The following ZCCHC7 variants were observed in gnomAD, a reference collection of about 807,000 sequenced individuals.
ZCCHC7 encodes zinc finger CCHC-type containing 7.
In ZCCHC7, 35 loss-of-function variants were observed where a neutral mutation model predicts 52.0. The ratio of observed to expected loss-of-function variants is 0.67; its 90% CI spans 0.51 to 0.89. The LOEUF is 0.89. Among genes scored for constraint, ZCCHC7 ranks in the 40% least tolerant of loss-of-function variants. The pLI is 0.00. For missense variants in ZCCHC7, 574 were observed against 649.1 expected (o/e 0.88, Z 1.26); for synonymous variants, 217 against 221.5 (o/e 0.98, Z 0.18).
At chr9:37,147,237 G>A (rs1000037542) in intron 2 of ZCCHC7, 6 of 152,078 alleles carry the variant, frequency 3.9e-5, no homozygotes, top group Non-Finnish European at 7.4e-5. Flanking sequence ...TTGAAGGGAA[G>A]TTTAGGAATA....
chr9:37,175,117 GAA>G (rs574722132), intron 2 of ZCCHC7, among the ~76,000 whole-genome samples: 1 of 134,794 alleles, frequency 7.4e-6, no homozygotes, highest in Admixed American at 7.4e-5. Flanking sequence ...CTGTCTCAAA[GAA>G]AAAAAAAAAA....
intron 2 of ZCCHC7, among the ~76,000 whole-genome samples, chr9:37,268,291 C>G (rs1228061399): frequency 6.6e-6 from 1 of 151,936 alleles, no homozygotes; most frequent in Non-Finnish European, 1.5e-5. Flanking sequence ...CCAGATTTCT[C>G]TACCTGGCCA....
intron 5 of ZCCHC7, among the ~76,000 whole-genome samples, chr9:37,315,625 A>T (rs1037467896): frequency 2.0e-5 from 3 of 151,862 alleles, no homozygotes; most frequent in Non-Finnish European, 2.9e-5. Flanking sequence ...GTAGTTTCAG[A>T]TATAAAGGAA....
At chr9:37,249,456 C>CTTTTTTTTCTTTTT (rs1826217862) in intron 2 of ZCCHC7, among the ~76,000 whole-genome samples, 1 of 111,266 alleles carries the variant, frequency 9.0e-6, no homozygotes, top group Non-Finnish European at 1.7e-5. Flanking sequence ...CTTCTTCTTC[C>CTTTTTTTTCTTTTT]TTTTTTTTTT....
intron 2 of ZCCHC7, among the ~76,000 whole-genome samples, chr9:37,242,845 T>C (rs1486066510): frequency 1.3e-5 from 2 of 151,810 alleles, no homozygotes; most frequent in Non-Finnish European, 3.0e-5. Context: ...AGTATGAAAG[T>C]ATATTTGAAC....
chr9:37,304,291 CA>C lies in ZCCHC7; in HGVS notation c.764del (p.Asn255ThrfsTer58), dbSNP rs1829192712. 1 of 1,613,172 alleles carries C rather than the reference CA, an allele frequency of 6.2e-7. No individual in the cohort carries two copies. The highest frequency in any genetic ancestry group is 1.3e-5 in the African/African-American group (1 of 74,820). On this transcript the variant is annotated frameshift_variant, in exon 4 of 9. Transcript: ENST00000336755. LOFTEE classifies it high-confidence loss of function. The stretch of plus-strand genomic sequence containing the variant: ...AATTGTGACAAACGTGGTCATTTAT[CA>C]AAAAACTGCCCCTTACCACGAGTAC... ...CRNCDKRGHL[S>X]KNCPLPRKVR...
intron 2 of ZCCHC7, among the ~76,000 whole-genome samples, chr9:37,215,272 A>G (rs1183215840): frequency 6.6e-6 from 1 of 152,180 alleles, no homozygotes; most frequent in Non-Finnish European, 1.5e-5. Context: ...AAGATAAATG[A>G]CATTATGGTA....
intron 2 of ZCCHC7, among the ~76,000 whole-genome samples, chr9:37,252,637 A>G (rs1564203784): frequency 6.6e-6 from 1 of 152,192 alleles, no homozygotes; most frequent in East Asian, 1.9e-4. Flanking sequence ...CTAACGTTCA[A>G]GGTGAAATGA....
intron 2 of ZCCHC7, among the ~76,000 whole-genome samples, chr9:37,291,465 CAT>C (rs371187445): frequency 3.2e-4 from 49 of 151,962 alleles, no homozygotes; most frequent in East Asian, 1.4e-3. Flanking sequence ...TTGATAAGGA[CAT>C]GTGATTTTTT....
intron 2 of ZCCHC7, chr9:37,284,361 G>T (rs1184326596): frequency 1.3e-5 from 2 of 152,046 alleles, no homozygotes; most frequent in African/African-American, 4.8e-5. Flanking sequence ...ATTTCTCTGT[G>T]TATATACATA....
intron 6 of ZCCHC7, among the ~76,000 whole-genome samples, chr9:37,329,506 A>T (rs1261038563): frequency 6.6e-6 from 1 of 151,896 alleles, no homozygotes; most frequent in Non-Finnish European, 1.5e-5. Context: ...TAATTTTTTA[A>T]AATAATATTG....
chr9:37,158,527 G>A (rs141334630), intron 2 of ZCCHC7, among the ~76,000 whole-genome samples: 10 of 152,322 alleles, frequency 6.6e-5, no homozygotes, highest in African/African-American at 2.4e-4. Flanking sequence ...AATTGTGTCA[G>A]ACAAGTTTGA....
At chr9:37,124,177 T>C (rs563354465) in intron 1 of ZCCHC7, among the ~76,000 whole-genome samples, 1 of 152,120 alleles carries the variant, frequency 6.6e-6, no homozygotes, top group Non-Finnish European at 1.5e-5. Flanking sequence ...AAAGAATAAA[T>C]AGGCATCATT....
intron 2 of ZCCHC7, among the ~76,000 whole-genome samples, chr9:37,193,450 T>G (rs1383196658): frequency 6.6e-6 from 1 of 152,216 alleles, no homozygotes; most frequent in African/African-American, 2.4e-5. Flanking sequence ...TCAGAAAGTC[T>G]TATTTCTGTC....
chr9:37,213,722 C>A (rs548495469), intron 2 of ZCCHC7, among the ~76,000 whole-genome samples: 8 of 152,116 alleles, frequency 5.3e-5, no homozygotes, highest in Non-Finnish European at 1.0e-4. Flanking sequence ...CAAGTTTTCA[C>A]CTCCTGAGAG....
At chr9:37,263,379 GA>G (rs201279969) in intron 2 of ZCCHC7, among the ~76,000 whole-genome samples, 2 of 149,652 alleles carry the variant, frequency 1.3e-5, no homozygotes, top group Admixed American at 6.7e-5. Flanking sequence ...TGGAAGGAAT[GA>G]AAAAAAAACC....
chr9:37,143,717 T>C (rs902258611), intron 2 of ZCCHC7, among the ~76,000 whole-genome samples: 2 of 151,816 alleles, frequency 1.3e-5, no homozygotes, highest in Non-Finnish European at 3.0e-5. Context: ...TTTGTTATGA[T>C]AAATATTAAA....
intron 2 of ZCCHC7, among the ~76,000 whole-genome samples, chr9:37,251,487 A>G (rs914747653): frequency 1.4e-4 from 22 of 152,038 alleles, no homozygotes; most frequent in African/African-American, 5.3e-4. Flanking sequence ...TGCTTTTGTT[A>G]TGTATTGGCT....
At chr9:37,273,603 G>A (rs1288522140) in intron 2 of ZCCHC7, among the ~76,000 whole-genome samples, 2 of 152,206 alleles carry the variant, frequency 1.3e-5, no homozygotes, top group South Asian at 2.1e-4. Flanking sequence ...ATCATCAACT[G>A]TACTGGACTT....
Sources: gnomAD v4.1 joint callset for allele counts (sites outside exome capture counted in the v4.1 genomes callset) on GRCh38, gnomAD v4.1.1 for gene constraint, MANE v1.5 for transcripts, NCBI Gene and HGNC (gene_info 2026-07-23, HGNC 2026-07-21) for gene names.